Variants in CTNNA3 observed in about 807,000 individuals in gnomAD.
The protein encoded by CTNNA3 is catenin alpha-3.
In CTNNA3, 76 loss-of-function variants were observed where a neutral mutation model predicts 95.7. The ratio of observed to expected loss-of-function variants is 0.79; its 90% CI spans 0.66 to 0.96. The LOEUF is 0.96. CTNNA3 is among the 40% of genes least tolerant of loss of function. CTNNA3 has a pLI of 0.00. For synonymous variants in CTNNA3, 431 were observed against 374.4 expected, an observed-to-expected ratio of 1.15 and a Z score of -1.74; for missense variants, 1,191 against 1,089.8, an observed-to-expected ratio of 1.09 and a Z score of -1.31.
intron 12 of CTNNA3, among the ~76,000 whole-genome samples, chr10:66,331,510 T>A (rs1284268116): frequency 2.6e-5 from 4 of 151,392 alleles, no homozygotes; most frequent in African/African-American, 9.7e-5. Flanking sequence ...CGCACCACCA[T>A]GCCCGGCTAA....
intron 1 of CTNNA3, among the ~76,000 whole-genome samples, chr10:67,695,094 T>C (rs1840938384): frequency 6.6e-6 from 1 of 152,186 alleles, no homozygotes; most frequent in Non-Finnish European, 1.5e-5. Context: ...TCACAACTAT[T>C]CTCAATATGT....
chr10:66,753,966 T>A (rs1372896210), intron 9 of CTNNA3, among the ~76,000 whole-genome samples: 3 of 152,056 alleles, frequency 2.0e-5, no homozygotes, highest in African/African-American at 7.2e-5. Flanking sequence ...CCCAAACTGA[T>A]CTACAGATTC....
intron 5 of CTNNA3, among the ~76,000 whole-genome samples, chr10:67,504,451 A>AAAAAAAAAAAC (rs1564699349): frequency 7.0e-6 from 1 of 143,612 alleles, no homozygotes; most frequent in South Asian, 2.5e-4. Flanking sequence ...AAAAAAAAAA[A>AAAAAAAAAAAC]AAAAAAAAAC....
At chr10:67,351,527 T>C (rs1007828845) in intron 5 of CTNNA3, among the ~76,000 whole-genome samples, 10 of 152,018 alleles carry the variant, frequency 6.6e-5, no homozygotes, top group Non-Finnish European at 1.5e-4. Flanking sequence ...TATAATTTTT[T>C]AAAAATTATA....
intron 15 of CTNNA3, among the ~76,000 whole-genome samples, chr10:66,007,637 A>G (rs982166219): frequency 2.0e-5 from 3 of 149,644 alleles, no homozygotes; most frequent in Non-Finnish European, 4.4e-5. Flanking sequence ...GCTTTATATT[A>G]GGTAGCTCCA....
chr10:67,483,931 C>T (rs998463395), intron 5 of CTNNA3, among the ~76,000 whole-genome samples: 1 of 152,014 alleles, frequency 6.6e-6, no homozygotes, highest in African/African-American at 2.4e-5. Flanking sequence ...AACAATATTC[C>T]TATCAAACTG....
chr10:66,465,634 C>G (rs74141503), intron 11 of CTNNA3, among the ~76,000 whole-genome samples: 2,113 of 152,168 alleles, frequency 0.014, 54 homozygotes, highest in African/African-American at 0.048. Flanking sequence ...GGTTGAGAAT[C>G]AGACTCAGGA....
intron 15 of CTNNA3, among the ~76,000 whole-genome samples, chr10:66,049,436 G>A (rs147116100): frequency 3.9e-4 from 60 of 152,172 alleles, no homozygotes; most frequent in African/African-American, 1.4e-3. Flanking sequence ...CCTATTACTG[G>A]GTAAATACCC....
chr10:67,131,398 T>G (rs1859994752), intron 7 of CTNNA3, among the ~76,000 whole-genome samples: 1 of 152,144 alleles, frequency 6.6e-6, no homozygotes, highest in Non-Finnish European at 1.5e-5. Flanking sequence ...GTGAAACCAT[T>G]TAAACAATAT....
chr10:66,785,909 A>G (rs1480473932), intron 7 of CTNNA3, among the ~76,000 whole-genome samples: 2 of 152,166 alleles, frequency 1.3e-5, no homozygotes, highest in Non-Finnish European at 2.9e-5. Flanking sequence ...TATCACAAAA[A>G]TTGTTCCATG....
intron 14 of CTNNA3, among the ~76,000 whole-genome samples, chr10:66,091,216 T>A (rs1172581544): frequency 6.6e-6 from 1 of 151,920 alleles, no homozygotes; most frequent in Non-Finnish European, 1.5e-5. Flanking sequence ...ACAAACACCT[T>A]TAAACCTACA....
At chr10:67,698,937 A>G (rs1841011031), upstream of CTNNA3, among the ~76,000 whole-genome samples, 1 of 152,158 alleles carries the variant, frequency 6.6e-6, no homozygotes, top group South Asian at 2.1e-4. Flanking sequence ...AGAAGAACAG[A>G]AGCCATCTGG....
intron 9 of CTNNA3, among the ~76,000 whole-genome samples, chr10:66,644,906 A>G (rs1169924805): frequency 6.6e-6 from 1 of 152,018 alleles, no homozygotes; most frequent in Non-Finnish European, 1.5e-5. Flanking sequence ...CCCTCCTTCA[A>G]AATCCCACAT....
chr10:66,514,845 G>A (rs1840784303), intron 11 of CTNNA3, among the ~76,000 whole-genome samples: 2 of 152,020 alleles, frequency 1.3e-5, no homozygotes. Context: ...AGCTCATGAT[G>A]AGTCAGTTTA....
At chr10:66,304,151 G>T (rs1181060964) in intron 12 of CTNNA3, among the ~76,000 whole-genome samples, 1 of 152,084 alleles carries the variant, frequency 6.6e-6, no homozygotes, top group Non-Finnish European at 1.5e-5. Flanking sequence ...GGGGGAAGAA[G>T]CTCAATCTCA....
intron 10 of CTNNA3, among the ~76,000 whole-genome samples, chr10:66,531,333 T>C (rs1480805491): frequency 6.6e-6 from 1 of 152,164 alleles, no homozygotes; most frequent in Non-Finnish European, 1.5e-5. Flanking sequence ...TAATGATCAT[T>C]AAAATGCTTG....
At chr10:65,979,320 A>G (rs2078272272) in intron 16 of CTNNA3, among the ~76,000 whole-genome samples, 2 of 152,138 alleles carry the variant, frequency 1.3e-5, no homozygotes, top group East Asian at 3.9e-4. Context: ...GCTACTTTTC[A>G]GCTTTATGTT....
At position 67,696,153 on chromosome 10, in the gene CTNNA3, A is replaced by C. The variant is rs1387593338; in HGVS notation, c.-159T>G. On this transcript the variant is annotated 5_prime_UTR_variant, in exon 1 of 18. The change creates a new upstream start codon in the 5' untranslated region. Coordinates refer to ENST00000433211, the MANE Select transcript of CTNNA3 (RefSeq NM_013266.4). ...AGAGGCAGATGACAGTGGGGCAGTC[A>C]ATTTCGCTGAGCGTTGTTCACCCAG... The C allele has an allele frequency of 1.3e-5, 2 of 152,104 alleles. No homozygotes were observed. The highest frequency in any genetic ancestry group is 1.3e-4 in the Admixed American group (2 of 15,274). The allele number at this position is 152,104 out of a possible 1,614,324, so 9.4% of individuals were successfully genotyped here. A position where few individuals can be genotyped will look rare whatever the true frequency, so the allele number is the denominator to read the frequency against.
chr10:66,705,562 A>G (rs187828291), intron 9 of CTNNA3, among the ~76,000 whole-genome samples: 1 of 152,178 alleles, frequency 6.6e-6, no homozygotes, highest in East Asian at 1.9e-4. Context: ...TAAGTCATCT[A>G]CATCCTTAAC....
Sources: allele counts gnomAD v4.1 joint callset (sites outside exome capture counted in the v4.1 genomes callset), GRCh38; gene constraint gnomAD v4.1.1; transcripts MANE v1.5; gene names NCBI Gene and HGNC (gene_info 2026-07-23, HGNC 2026-07-21).